IZUMO1: variants seen among roughly 807,000 people sequenced by gnomAD.
The protein encoded by IZUMO1 is izumo sperm-egg fusion protein 1.
In IZUMO1, 44 loss-of-function variants were observed where a neutral mutation model predicts 40.7. The ratio of observed to expected loss-of-function variants is 1.08; its 90% confidence interval spans 0.85 to 1.39. The LOEUF (loss-of-function observed/expected upper bound fraction) is 1.39, where lower values mean the gene tolerates loss of function less well. Among genes scored for constraint, IZUMO1 ranks in the 40% most tolerant of loss-of-function variants. The pLI is 0.00. For missense variants in IZUMO1, 368 were observed against 436.9 expected (o/e 0.84, Z 1.41); for synonymous variants, 149 against 170.9 (o/e 0.87, Z 1.00).
In IZUMO1 at chr19:48,741,069, G is replaced by T; in HGVS notation, c.933-41C>A. 1.2e-6 allele frequency: 2 copies of T among 1,610,520 alleles called. No individual in the cohort carries two copies. The highest frequency in any genetic ancestry group is 1.7e-6 in the Non-Finnish European group (2 of 1,178,268). ...GGGTGCAGATCATGGAACCGGTTTGGGTACTAATTGTGTGGGGGACACCCC... is the reference window on the plus strand; with the variant it reads ...GGGTGCAGATCATGGAACCGGTTTGTGTACTAATTGTGTGGGGGACACCCC... On this transcript the variant is annotated intron_variant, in intron 9 of 9. Transcript: ENST00000332955. The surrounding 1 kb of genome is among the most constrained non-coding windows in gnomAD (Gnocchi z 4.4).
In IZUMO1 at chr19:48,741,108, C is replaced by A; in HGVS notation, c.933-80G>T. The A allele has an allele frequency of 6.3e-7, 1 of 1,583,846 alleles. No individual in the cohort carries two copies. The highest frequency in any genetic ancestry group is 8.6e-7 in the Non-Finnish European group (1 of 1,159,916). ...GGGGGACACCCCTCCCAACCTCCCCCTTTGTGACCTTATTCTAGCAATTAC... is the reference window on the plus strand; with the variant it reads ...GGGGGACACCCCTCCCAACCTCCCCATTTGTGACCTTATTCTAGCAATTAC... On this transcript the variant is annotated intron_variant, in intron 9 of 9. Transcript: ENST00000332955. This position sits in a 1 kb window ranked among gnomAD's most constrained non-coding sequence, Gnocchi z 4.4.
intron 3 of IZUMO1, 109 bp from the exon 4 acceptor site, chr19:48,744,648 AACTGAC>A: frequency 1.3e-6 from 1 of 753,120 alleles, no homozygotes; most frequent in Non-Finnish European, 2.3e-6. Flanking sequence ...AGGGCGCTAC[AACTGAC>A]CGTCTAACAT....
chr19:48,745,844 T>C lies in IZUMO1; in HGVS notation c.16A>G (p.Thr6Ala). 1 of 1,613,576 alleles carries C rather than the reference T, an allele frequency of 6.2e-7. No individual in the cohort carries two copies. Among genetic ancestry groups the C allele is most frequent in the Non-Finnish European group, 8.5e-7 (1 of 1,179,920 alleles). MGPHF[T>A]LLCAALAGCL... ...CCGGCCAGCGCCGCACACAGGAGGG[T>C]AAAATGCGGCCCCATTGCAGCCGGC... Residue 6 changes from threonine to alanine, a missense_variant, in exon 2 of 10, where the codon ACC becomes GCC. Coordinates refer to ENST00000332955, the MANE Select transcript of IZUMO1 (RefSeq NM_182575.3).
Position 48,741,975 on chromosome 19 carries a change from G to A in IZUMO1, c.601-33C>T. ...CAAGCTCAAGGGGTCACTGAGGCCT[G>A]AGGAATTCAGGGGTTGGGGGAGTAC... On this transcript the variant is annotated intron_variant, in intron 7 of 9. Transcript: ENST00000332955. The surrounding 1 kb of genome is among the most constrained non-coding windows in gnomAD (Gnocchi z 4.4). The A allele has an allele frequency of 6.4e-7, 1 of 1,563,798 alleles. No individual in the cohort carries two copies. The highest frequency in any genetic ancestry group is 8.7e-7 in the Non-Finnish European group (1 of 1,150,436).
chr19:48,745,975 G>A, intron 1 of IZUMO1, 43 bp from the exon 2 acceptor site: 3 of 1,506,914 alleles, frequency 2.0e-6, no homozygotes, highest in South Asian at 2.6e-5. Context: ...AAATCCCACT[G>A]GGCCGCCTAT....
At chr19:48,743,167 C>T (rs768146651) in intron 6 of IZUMO1, 1 of 430,000 alleles carries the variant, frequency 2.3e-6, no homozygotes. Flanking sequence ...GCTGGGACTA[C>T]AGGAACGCAA....
At chr19:48,743,649 G>A in intron 5 of IZUMO1, 124 bp from the exon 6 acceptor site, 1 of 746,650 alleles carries the variant, frequency 1.3e-6, no homozygotes. Context: ...GAAGGCACAG[G>A]ACCAGGACGC....
chr19:48,745,564 C>A (rs1010868403), intron 2 of IZUMO1, 61 bp downstream of exon 2: 4 of 1,597,200 alleles, frequency 2.5e-6, no homozygotes, highest in Non-Finnish European at 3.4e-6. Context: ...CTCTTCCTTC[C>A]CCTGGTCTTA....
rs759668204 is a variant in IZUMO1 at position 48,743,531 on chromosome 19, G to A, written c.419-6C>T. Reference sequence around the variant, plus strand: ...CAGAGTTTGCAACATCACACCTGGAGGGGCAGGGTCAAGGCTTGTATTTGC... The same window carrying A: ...CAGAGTTTGCAACATCACACCTGGAAGGGCAGGGTCAAGGCTTGTATTTGC... On this transcript the variant is annotated splice_region_variant and splice_polypyrimidine_tract_variant and intron_variant, in intron 5 of 9. Coordinates refer to ENST00000332955, the MANE Select transcript of IZUMO1 (RefSeq NM_182575.3). 4 of 1,609,014 alleles carry A rather than the reference G, an allele frequency of 2.5e-6. No homozygotes were observed. Among genetic ancestry groups the A allele is most frequent in the Non-Finnish European group, 3.4e-6 (4 of 1,175,344 alleles).
In IZUMO1 at chr19:48,745,614, C is replaced by G; in HGVS notation, c.235+11G>C. 1 of 1,614,102 alleles carries G rather than the reference C, an allele frequency of 6.2e-7. No individual in the cohort carries two copies. The highest frequency in any genetic ancestry group is 1.1e-5 in the South Asian group (1 of 91,068). ...CAGGACCCAGGGGTCCGTGGTCCCC[C>G]CTGCCCTCACCAACGACCCCCATAT... On this transcript the variant is annotated intron_variant, in intron 2 of 9. Coordinates refer to ENST00000332955, the MANE Select transcript of IZUMO1 (RefSeq NM_182575.3).
Position 48,744,552 on chromosome 19 carries a change from A to G in IZUMO1, c.311-13T>C, listed in dbSNP as rs1015443483. The G allele has an allele frequency of 3.1e-6, 5 of 1,588,954 alleles. No individual in the cohort carries two copies. The East Asian group carries it at 1.1e-4, about 36-fold the overall frequency. The stretch of plus-strand genomic sequence containing the variant: ...ACGAAGAGATCGCCTGGGAAGACAC[A>G]GGAACCCCCAATCCCACGTGTGAGG... On this transcript the variant is annotated splice_polypyrimidine_tract_variant and intron_variant, in intron 3 of 9. Coordinates refer to ENST00000332955, the MANE Select transcript of IZUMO1 (RefSeq NM_182575.3).
At chr19:48,742,029 G>T in intron 7 of IZUMO1, 87 bp from the exon 8 acceptor site, 1 of 1,538,740 alleles carries the variant, frequency 6.5e-7, no homozygotes. Flanking sequence ...GGGCCTCAGT[G>T]TGGGAGGTGA....
Position 48,741,623 on chromosome 19 carries a change from G to T in IZUMO1, c.755-145C>A. 8.0e-7 allele frequency: 1 copy of T among 1,249,564 alleles called. No homozygotes were observed. The highest frequency in any genetic ancestry group is 1.1e-6 in the Non-Finnish European group (1 of 911,910). 77.4% of individuals were successfully genotyped at this position (1,249,564 alleles called of 1,614,324 possible). A position where few individuals can be genotyped will look rare whatever the true frequency, so the allele number is the denominator to read the frequency against. On this transcript the variant is annotated intron_variant, in intron 8 of 9. Transcript: ENST00000332955. The surrounding 1 kb of genome is among the most constrained non-coding windows in gnomAD (Gnocchi z 4.4). ...CCTGAACACACCCAAGGGAACCCCT[G>T]TCCTCGGGGCCAGAGGCCACGCCCC...
intron 3 of IZUMO1, among the ~76,000 whole-genome samples, chr19:48,744,835 C>A (rs2033831510): frequency 6.6e-6 from 1 of 152,128 alleles, no homozygotes; most frequent in African/African-American, 2.4e-5. Context: ...TACAGGCACA[C>A]ACCACCATGC....
chr19:48,742,223 A>G lies in IZUMO1; in HGVS notation c.586T>C (p.Tyr196His). The G allele has an allele frequency of 1.2e-6, 2 of 1,613,388 alleles. No individual in the cohort carries two copies. Among genetic ancestry groups the G allele is most frequent in the Non-Finnish European group, 1.7e-6 (2 of 1,179,296 alleles). The change falls in exon 7 of 10, where the codon TAC becomes CAC. Residue 196 changes from tyrosine (Y) to histidine (H), a missense_variant. By Grantham distance (83) the Tyr-to-His change is moderately conservative. Transcript: ENST00000332955. ...GAGGCCCTCACCCTGTAAAAGCTGT[A>G]ATCAGTGAGGCCTTCCGAAGCCTGA... ...WHQASEGLTD[Y>H]SFYRVWGNNT...
chr19:48,741,535 A>C lies in IZUMO1; in HGVS notation c.755-57T>G. The C allele has an allele frequency of 1.9e-6, 3 of 1,549,514 alleles. No individual in the cohort carries two copies. Among genetic ancestry groups the C allele is most frequent in the Non-Finnish European group, 2.6e-6 (3 of 1,134,548 alleles). On this transcript the variant is annotated intron_variant, in intron 8 of 9. Transcript: ENST00000332955. This position sits in a 1 kb window ranked among gnomAD's most constrained non-coding sequence, Gnocchi z 4.4. ...CAGGGCGTGGAGTTCCTGCCCTGGC[A>C]AAGACAAGCCCGTCCCAGTAGCCGG...
intron 1 of IZUMO1, 119 bp downstream of exon 1, chr19:48,746,316 C>T: frequency 3.0e-6 from 3 of 1,011,710 alleles, no homozygotes; most frequent in Non-Finnish European, 3.6e-6. Context: ...CCCCCGCCAG[C>T]CCCCCAAAAC....
At chr19:48,743,168 A>G (rs2033771564) in intron 6 of IZUMO1, 1 of 433,956 alleles carries the variant, frequency 2.3e-6, no homozygotes, top group South Asian at 2.4e-5. Context: ...CTGGGACTAC[A>G]GGAACGCAAC....
chr19:48,746,622 C>G lies in IZUMO1; in HGVS notation c.-261G>C, dbSNP rs547634186. 593 of 985,500 alleles carry G rather than the reference C, an allele frequency of 6.0e-4. No homozygotes were observed. In the South Asian group the frequency reaches 9.8e-3, roughly 16 times the overall value. The allele number at this position is 985,500 out of a possible 1,614,324, so 61.0% of individuals were successfully genotyped here. A position where few individuals can be genotyped will look rare whatever the true frequency, so the allele number is the denominator to read the frequency against. On this transcript the variant is annotated 5_prime_UTR_variant, in exon 1 of 10. Transcript: ENST00000332955. The stretch of plus-strand genomic sequence containing the variant: ...GTGATGCACCCTAAACAGCCGCTCC[C>G]CGACCTTGGTTCCCGATTTGTGGCC...
Sources: allele counts gnomAD v4.1 joint callset (sites outside exome capture counted in the v4.1 genomes callset), GRCh38; gene constraint gnomAD v4.1.1; non-coding constraint Gnocchi (gnomAD v3.1); transcripts MANE v1.5; gene names NCBI Gene and HGNC (gene_info 2026-07-23, HGNC 2026-07-21).